Variants in PLEKHG1 observed in about 807,000 individuals in gnomAD.
PLEKHG1 encodes pleckstrin homology domain-containing family G member 1.
In PLEKHG1, 44 loss-of-function variants were observed where a neutral mutation model predicts 100.8. The ratio of observed to expected loss-of-function variants is 0.44; its 90% CI spans 0.34 to 0.56. The LOEUF (loss-of-function observed/expected upper bound fraction) is 0.56. Ranked by LOEUF, PLEKHG1 falls within the 20% of genes least tolerant of loss-of-function variation. PLEKHG1 has a pLI of 0.01. For missense variants in PLEKHG1, 1,545 were observed against 1,720.9 expected (o/e 0.90, Z 1.81); for synonymous variants, 640 against 662.5 (o/e 0.97, Z 0.52).
At chr6:150,743,507 C>T (rs544800638) in intron 2 of PLEKHG1, among the ~76,000 whole-genome samples, 3 of 152,230 alleles carry the variant, frequency 2.0e-5, no homozygotes, top group Non-Finnish European at 2.9e-5. Flanking sequence ...GCCTGGGCAA[C>T]GGAGCAAGAC....
intron 3 of PLEKHG1, among the ~76,000 whole-genome samples, chr6:150,701,468 A>ATATAG (rs1780787291): frequency 2.3e-5 from 1 of 44,088 alleles, no homozygotes; most frequent in Non-Finnish European, 4.6e-5. Flanking sequence ...TATATATATA[A>ATATAG]TTATACTTTA....
At chr6:150,741,944 C>T (rs931527533) in intron 2 of PLEKHG1, among the ~76,000 whole-genome samples, 2 of 152,232 alleles carry the variant, frequency 1.3e-5, no homozygotes, top group Non-Finnish European at 2.9e-5. Flanking sequence ...ACCACCGTCC[C>T]CACTTGTGAC....
intron 3 of PLEKHG1, among the ~76,000 whole-genome samples, chr6:150,690,825 G>A (rs568934713): frequency 4.6e-5 from 7 of 152,124 alleles, no homozygotes; most frequent in Non-Finnish European, 7.3e-5. Flanking sequence ...GGTTATTTTC[G>A]TGCCTGTGTG....
At chr6:150,708,345 C>T (rs1186241624) in intron 3 of PLEKHG1, among the ~76,000 whole-genome samples, 1 of 152,178 alleles carries the variant, frequency 6.6e-6, no homozygotes, top group African/African-American at 2.4e-5. Flanking sequence ...TTCTCTCTCC[C>T]AGGGTCACCA....
At chr6:150,660,853 T>C (rs1283070446) in intron 3 of PLEKHG1, among the ~76,000 whole-genome samples, 1 of 152,224 alleles carries the variant, frequency 6.6e-6, no homozygotes, top group African/African-American at 2.4e-5. Flanking sequence ...AAAAGACATA[T>C]TATTAATTTT....
intron 3 of PLEKHG1, among the ~76,000 whole-genome samples, chr6:150,702,532 A>G (rs902210262): frequency 1.1e-4 from 15 of 142,336 alleles, no homozygotes; most frequent in Non-Finnish European, 2.2e-4. Context: ...TCTCACCATC[A>G]GCAGTACTTC....
chr6:150,704,145 G>T (rs1780912820), intron 3 of PLEKHG1, among the ~76,000 whole-genome samples: 1 of 152,176 alleles, frequency 6.6e-6, no homozygotes, highest in South Asian at 2.1e-4. Flanking sequence ...AATCTTAGTT[G>T]GTTCTTTGGA....
chr6:150,728,619 C>T lies in PLEKHG1; in HGVS notation c.-98-4965C>T, dbSNP rs1228791236. Among the ~76,000 whole-genome samples, 11 of 151,220 alleles carry T rather than the reference C, an allele frequency of 7.3e-5. No individual in the cohort carries two copies. In the East Asian group the frequency reaches 1.4e-3, roughly 19 times the overall value. ...TAAATTTAAAATAAAAAAAGTAGGCCGGGCTCAGTGGCTCACACCTGTAAT... is the reference window on the plus strand; with the variant it reads ...TAAATTTAAAATAAAAAAAGTAGGCTGGGCTCAGTGGCTCACACCTGTAAT... On this transcript the variant is annotated intron_variant, in intron 1 of 15. Coordinates refer to ENST00000358517, the Ensembl canonical transcript of PLEKHG1.
At chr6:150,643,734 C>G (rs1158908274) in intron 2 of PLEKHG1, among the ~76,000 whole-genome samples, 1 of 152,072 alleles carries the variant, frequency 6.6e-6, no homozygotes, top group Admixed American at 6.6e-5. Context: ...GCGTAATGCC[C>G]GGCTCATACC....
intron 1 of PLEKHG1, among the ~76,000 whole-genome samples, chr6:150,615,740 A>G (rs746132454): frequency 8.5e-5 from 13 of 152,170 alleles, no homozygotes; most frequent in Non-Finnish European, 1.8e-4. Context: ...AACGAGGGCA[A>G]TGGAGAGGGG....
chr6:150,668,315 T>C (rs1406123117), intron 3 of PLEKHG1, among the ~76,000 whole-genome samples: 1 of 152,258 alleles, frequency 6.6e-6, no homozygotes, highest in Non-Finnish European at 1.5e-5. Flanking sequence ...TTGGATTCTT[T>C]ATGGCTCCCT....
chr6:150,619,082 TA>T (rs1334174205), intron 1 of PLEKHG1, among the ~76,000 whole-genome samples: 1 of 151,982 alleles, frequency 6.6e-6, no homozygotes, highest in Non-Finnish European at 1.5e-5. Flanking sequence ...ATCCTGTCTC[TA>T]AAAAAAGAAA....
chr6:150,746,100 G>T (rs56194050), intron 2 of PLEKHG1, among the ~76,000 whole-genome samples: 16,594 of 152,088 alleles, frequency 0.11, 1,156 homozygotes, highest in East Asian at 0.21. Flanking sequence ...ATGTGAATGG[G>T]CCAGGTTCCA....
chr6:150,629,078 C>T (rs184446224), intron 1 of PLEKHG1, among the ~76,000 whole-genome samples: 2 of 152,256 alleles, frequency 1.3e-5, no homozygotes, highest in Non-Finnish European at 2.9e-5. Flanking sequence ...GGGTAGGATT[C>T]GCCAGCAGCA....
At chr6:150,795,740 C>CAT (rs34933769) in intron 4 of PLEKHG1, 116 bp from the exon 6 acceptor site, 5,002 of 398,486 alleles carry the variant, frequency 0.013, 1 homozygote, top group Middle Eastern at 0.016. Context: ...AAACAAAAAA[C>CAT]ATATATATAT....
At chr6:150,757,193 G>A (rs1234049162) in intron 2 of PLEKHG1, among the ~76,000 whole-genome samples, 1 of 152,040 alleles carries the variant, frequency 6.6e-6, no homozygotes, top group Non-Finnish European at 1.5e-5. Context: ...GTAGAGACGG[G>A]GTTTTACCAT....
chr6:150,792,694 A>AC, intron 4 of PLEKHG1, among the ~76,000 whole-genome samples: 1 of 152,000 alleles, frequency 6.6e-6, no homozygotes, highest in East Asian at 1.9e-4. Context: ...CAACAACAAA[A>AC]AAAAACCACA....
chr6:150,668,879 T>G (rs1391205053), intron 3 of PLEKHG1, among the ~76,000 whole-genome samples: 2 of 152,226 alleles, frequency 1.3e-5, no homozygotes, highest in Non-Finnish European at 2.9e-5. Context: ...AAAACAAGAT[T>G]TGTCTTATTT....
exon 15 of PLEKHG1, chr6:150,830,861 C>T (rs1353504772): frequency 2.5e-6 from 4 of 1,614,040 alleles, no homozygotes; most frequent in South Asian, 2.2e-5. Context: ...CACTTCTAGT[C>T]GCCCTTGCAG....
Sources: allele counts gnomAD v4.1 joint callset (sites outside exome capture counted in the v4.1 genomes callset), GRCh38; gene constraint gnomAD v4.1.1; transcripts MANE v1.5; gene names NCBI Gene and HGNC (gene_info 2026-07-23, HGNC 2026-07-21).